Variants in SLC30A6 observed in about 807,000 individuals in gnomAD.
SLC30A6 encodes the protein zinc transporter 6.
A neutral mutation model predicts 63.0 loss-of-function variants in SLC30A6; 55 were observed. That is an observed-to-expected ratio of 0.87 (90% CI 0.70 to 1.09). The LOEUF is 1.09. Ranked by LOEUF, SLC30A6 falls within the 50% of genes least tolerant of loss-of-function variation. The pLI is 0.00. For synonymous variants in SLC30A6, 224 were observed against 186.1 expected (o/e 1.20, Z -1.66); for missense variants, 587 against 549.2 (o/e 1.07, Z -0.69).
intron 4 of SLC30A6, among the ~76,000 whole-genome samples, chr2:32,180,594 G>A (rs545519192): frequency 2.0e-5 from 3 of 151,914 alleles, no homozygotes; most frequent in Admixed American, 6.6e-5. Flanking sequence ...CACCATGCCC[G>A]GCTAATTTTT....
At chr2:32,207,506 A>C (rs1413804232) in intron 12 of SLC30A6, among the ~76,000 whole-genome samples, 1 of 151,198 alleles carries the variant, frequency 6.6e-6, no homozygotes, top group Admixed American at 6.6e-5. Context: ...CCTCCTGAGT[A>C]GCCGGGACTA....
In SLC30A6 at chr2:32,224,209, CT is replaced by C. The variant is rs1686295446; in HGVS notation, c.*3497del. On this transcript the variant is annotated 3_prime_UTR_variant, in exon 14 of 14. Coordinates refer to ENST00000282587, the MANE Select transcript of SLC30A6 (RefSeq NM_017964.5). Reference sequence around the variant, plus strand: ...TTGAGAATCTCTTACATGCCAGGCACTATACTAAGTTAATATGCATTCAGTA... The same window carrying C: ...TTGAGAATCTCTTACATGCCAGGCACATACTAAGTTAATATGCATTCAGTA... 1 of 322,222 alleles carries C rather than the reference CT, an allele frequency of 3.1e-6. No individual in the cohort carries two copies. The highest frequency in any genetic ancestry group is 5.6e-6 in the Non-Finnish European group (1 of 177,166). 20.0% of individuals were successfully genotyped at this position (322,222 alleles called of 1,614,324 possible). A position where few individuals can be genotyped will look rare whatever the true frequency, so the allele number is the denominator to read the frequency against.
intron 5 of SLC30A6, 27 bp downstream of exon 5, chr2:32,184,365 C>T: frequency 2.9e-6 from 4 of 1,356,794 alleles, no homozygotes; most frequent in Non-Finnish European, 4.0e-6. Flanking sequence ...TTATTTTCTG[C>T]TAACTTATGA....
chr2:32,171,123 T>G (rs78059008), intron 1 of SLC30A6, among the ~76,000 whole-genome samples, 164 bp from the exon 2 acceptor site: 2,877 of 152,348 alleles, frequency 0.019, 38 homozygotes, highest in Non-Finnish European at 0.026. Context: ...TTGTGAATAT[T>G]AAATCCATAA....
At chr2:32,213,426 C>T (rs1051911187) in intron 13 of SLC30A6, among the ~76,000 whole-genome samples, 2 of 151,698 alleles carry the variant, frequency 1.3e-5, no homozygotes, top group African/African-American at 2.4e-5. Context: ...TGCAAAACTC[C>T]TCCCAGTTGC....
intron 9 of SLC30A6, 107 bp downstream of exon 9, chr2:32,197,499 C>A: frequency 7.9e-7 from 1 of 1,263,844 alleles, no homozygotes; most frequent in Non-Finnish European, 1.1e-6. Flanking sequence ...CTACGTGAAT[C>A]ACACAGGTCA....
intron 13 of SLC30A6, among the ~76,000 whole-genome samples, chr2:32,215,639 A>G (rs1243025325): frequency 6.6e-6 from 1 of 151,390 alleles, no homozygotes; most frequent in Non-Finnish European, 1.5e-5. Context: ...ATCTAGAGAT[A>G]AATATTGTCA....
chr2:32,216,832 TA>T (rs1573436616), intron 13 of SLC30A6, among the ~76,000 whole-genome samples: 4 of 152,208 alleles, frequency 2.6e-5, no homozygotes, highest in Admixed American at 1.3e-4. Flanking sequence ...AGTTTGCAAA[TA>T]TTTTCTCCCA....
rs925932697 is a variant in SLC30A6, at chr2:32,182,088, C to T, written c.219-2185C>T. 2.0e-5 allele frequency among the ~76,000 whole-genome samples: 3 copies of T among 151,700 alleles called. No homozygotes were observed. The East Asian group carries it at 5.8e-4, about 29-fold the overall frequency. On this transcript the variant is annotated intron_variant, in intron 4 of 13. Transcript: ENST00000282587. ...AGCTGGGACTACAGGTGTTCACCAC[C>T]ACACCTGGCTAATTTTTGTGTATTT...
At chr2:32,217,055 A>AT (rs796311676) in intron 13 of SLC30A6, among the ~76,000 whole-genome samples, 7,229 of 144,164 alleles carry the variant, frequency 0.05, 251 homozygotes, top group Non-Finnish European at 0.08. Context: ...CGCCCGGCAA[A>AT]TTTTTTTTTT....
rs1246067842 is a variant in SLC30A6 at position 32,203,115 on chromosome 2, T to G, written c.666-1475T>G. 3.1e-6 allele frequency: 4 copies of G among 1,308,960 alleles called. No individual in the cohort carries two copies. The African/African-American group carries it at 4.3e-5, about 14-fold the overall frequency. 81.1% of individuals were successfully genotyped at this position (1,308,960 alleles called of 1,614,324 possible). On this transcript the variant is annotated intron_variant, in intron 10 of 13. Coordinates refer to ENST00000282587, the MANE Select transcript of SLC30A6 (RefSeq NM_017964.5). ...ACTAAAAGACTTCAGAGAAGGTAGT[T>G]TTAAAGTTTTGGTGGCAACCAACGT...
intron 3 of SLC30A6, 38 bp downstream of exon 3, chr2:32,174,185 T>C (rs926282771): frequency 2.7e-6 from 4 of 1,479,322 alleles, no homozygotes; most frequent in Non-Finnish European, 2.8e-6. Flanking sequence ...TTGTTATTTT[T>C]ACTTTTATTT....
At position 32,197,777 on chromosome 2, in the gene SLC30A6, C is replaced by T; in HGVS notation, c.616C>T (p.Leu206Phe). The T allele has an allele frequency of 6.2e-7, 1 of 1,614,060 alleles. No homozygotes were observed. Among genetic ancestry groups the T allele is most frequent in the Non-Finnish European group, 8.5e-7 (1 of 1,179,970 alleles). ...PRMNPFVLID[L>F]AGAFALCITY... ...AATGAATCCATTTGTTTTGATTGAT[C>T]TTGCTGGAGCATTTGCTCTTTGTAT... The change falls in exon 10 of 14, where the codon CTT becomes TTT. Residue 206 changes from leucine to phenylalanine, a missense_variant. By Grantham distance (22) the Leu-to-Phe change is conservative. Transcript: ENST00000282587.
At position 32,203,415 on chromosome 2, in the gene SLC30A6, A is replaced by G. The variant is rs892254429; in HGVS notation, c.666-1175A>G. 9.7e-6 allele frequency: 13 copies of G among 1,341,232 alleles called. No homozygotes were observed. The African/African-American group carries it at 1.9e-4, about 19-fold the overall frequency. The allele number at this position is 1,341,232 out of a possible 1,614,324, so 83.1% of individuals were successfully genotyped here. A position where few individuals can be genotyped will look rare whatever the true frequency, so the allele number is the denominator to read the frequency against. ...ATAAGGTCTCTGGCTTCTGTTTCTT[A>G]TGCTGCTGTTGATTTTTTCCAACCA... On this transcript the variant is annotated intron_variant, in intron 10 of 13. Coordinates refer to ENST00000282587, the MANE Select transcript of SLC30A6 (RefSeq NM_017964.5).
intron 13 of SLC30A6, among the ~76,000 whole-genome samples, chr2:32,219,715 T>C (rs1217323232): frequency 6.6e-6 from 1 of 152,172 alleles, no homozygotes; most frequent in Non-Finnish European, 1.5e-5. Context: ...GGATTACAGA[T>C]GTGAGCCACT....
At chr2:32,201,851 CAA>C (rs909632627) in intron 10 of SLC30A6, 5 of 1,439,222 alleles carry the variant, frequency 3.5e-6, no homozygotes, top group South Asian at 2.4e-5. Flanking sequence ...AAATCAGAAA[CAA>C]GAGAAAATGG....
intron 12 of SLC30A6, among the ~76,000 whole-genome samples, chr2:32,207,217 A>C (rs1684847542): frequency 6.6e-6 from 1 of 151,848 alleles, no homozygotes; most frequent in South Asian, 2.1e-4. Flanking sequence ...TTAGTTATTT[A>C]GTTATTTTTT....
chr2:32,202,839 C>T (rs1038497536), intron 10 of SLC30A6: 9 of 834,774 alleles, frequency 1.1e-5, no homozygotes, highest in Non-Finnish European at 1.7e-5. Context: ...CAGATACGAA[C>T]AGATTGATGT....
At chr2:32,173,483 C>T (rs1681424101) in intron 2 of SLC30A6, among the ~76,000 whole-genome samples, 1 of 151,842 alleles carries the variant, frequency 6.6e-6, no homozygotes, top group Non-Finnish European at 1.5e-5. Context: ...AAGCGATTCT[C>T]CTGCCTCAGC....
Sources: allele counts gnomAD v4.1 joint callset (sites outside exome capture counted in the v4.1 genomes callset), GRCh38; gene constraint gnomAD v4.1.1; transcripts MANE v1.5; gene names NCBI Gene and HGNC (gene_info 2026-07-23, HGNC 2026-07-21).